C9orf85: variants seen among roughly 807,000 people sequenced by gnomAD.
C9orf85 encodes chromosome 9 open reading frame 85.
A neutral mutation model predicts 14.9 loss-of-function variants in C9orf85; 16 were observed. The observed-to-expected ratio is 1.08, with a 90% CI of 0.73 to 1.63. The LOEUF (loss-of-function observed/expected upper bound fraction) is 1.63. C9orf85 is among the 40% of genes most tolerant of loss of function. C9orf85 has a pLI of 0.00. For missense variants in C9orf85, 172 were observed against 186.1 expected (o/e 0.92, Z 0.44); for synonymous variants, 45 against 56.8 (o/e 0.79, Z 0.93).
chr9:71,956,794 G>A (rs1822391578), intron 2 of C9orf85, among the ~76,000 whole-genome samples: 1 of 152,102 alleles, frequency 6.6e-6, no homozygotes, highest in South Asian at 2.1e-4. Flanking sequence ...GGGATTCTCA[G>A]TCTATACTAG....
In C9orf85 at chr9:71,911,833, C is replaced by A. The variant is rs1440050297; in HGVS notation, c.99C>A (p.Thr33=). The A allele has an allele frequency of 1.2e-6, 2 of 1,613,638 alleles. No homozygotes were observed. The highest frequency in any genetic ancestry group is 1.7e-5 in the Admixed American group (1 of 60,020). ...KNDKFDKSVQ[T]KKINAKLHDG... is the part of the protein sequence containing the mutation. ...ACAAGTTCGATAAAAGTGTGCAGAC[C>A]AAGGTAGGAACCTGCCTGTTGCACC... Residue 33 remains threonine (T), a synonymous_variant, in exon 1 of 4, where the codon ACC becomes ACA. Coordinates refer to ENST00000334731, the MANE Select transcript of C9orf85 (RefSeq NM_182505.5).
At chr9:71,985,284 TTGTTCTAGTTAC>T (rs1463099083), downstream of C9orf85, 1 of 152,222 alleles carries the variant, frequency 6.6e-6, no homozygotes, top group Non-Finnish European at 1.5e-5. Flanking sequence ...TGTGAGGCCT[TTGTTCTAGTTAC>T]AACTTTGTCA....
At chr9:71,985,226 C>T (rs1823186904), downstream of C9orf85, 1 of 152,214 alleles carries the variant, frequency 6.6e-6, no homozygotes, top group Non-Finnish European at 1.5e-5. Flanking sequence ...AATGGCATAA[C>T]ATTCAGCAGT....
chr9:71,937,297 A>G (rs1032856850), intron 1 of C9orf85, among the ~76,000 whole-genome samples: 2 of 152,178 alleles, frequency 1.3e-5, no homozygotes, highest in Non-Finnish European at 2.9e-5. Context: ...TGTATGCATT[A>G]GGTTTGTCAG....
At chr9:71,955,542 G>T (rs1024694578) in intron 2 of C9orf85, among the ~76,000 whole-genome samples, 1 of 152,128 alleles carries the variant, frequency 6.6e-6, no homozygotes. Flanking sequence ...GTTACAGCTT[G>T]GCATTTGCCT....
intron 2 of C9orf85, among the ~76,000 whole-genome samples, chr9:71,966,769 C>T (rs1169234340): frequency 1.3e-5 from 2 of 152,180 alleles, no homozygotes; most frequent in Non-Finnish European, 2.9e-5. Context: ...TGGGCAAAGG[C>T]AGTCTTGTTA....
intron 1 of C9orf85, among the ~76,000 whole-genome samples, chr9:71,927,952 A>G (rs1827969306): frequency 6.6e-6 from 1 of 152,096 alleles, no homozygotes; most frequent in Admixed American, 6.6e-5. Flanking sequence ...TTGGGAGGCC[A>G]AGGCGGGTGG....
chr9:71,966,598 A>C (rs1822698483), intron 2 of C9orf85, among the ~76,000 whole-genome samples: 1 of 152,216 alleles, frequency 6.6e-6, no homozygotes, highest in South Asian at 2.1e-4. Flanking sequence ...TATTGTGTGC[A>C]TACGTGTGCA....
chr9:71,984,176 C>A (rs1366133619), downstream of C9orf85: 1 of 152,222 alleles, frequency 6.6e-6, no homozygotes, highest in African/African-American at 2.4e-5. Flanking sequence ...TTTCTTCCCC[C>A]TCAAGTTGCT....
At chr9:71,922,479 A>G (rs1038022687) in intron 1 of C9orf85, among the ~76,000 whole-genome samples, 3 of 152,124 alleles carry the variant, frequency 2.0e-5, no homozygotes, top group Non-Finnish European at 2.9e-5. Flanking sequence ...GTTTCCCTGT[A>G]ATCCTCTTAA....
At chr9:71,945,511 T>C (rs1471919996) in intron 1 of C9orf85, among the ~76,000 whole-genome samples, 1 of 152,214 alleles carries the variant, frequency 6.6e-6, no homozygotes, top group Non-Finnish European at 1.5e-5. Flanking sequence ...ATATTCACAC[T>C]TCCTGATGGT....
chr9:71,947,091 C>T lies in C9orf85; in HGVS notation c.188C>T (p.Pro63Leu), dbSNP rs1489246617. The change falls in exon 2 of 4, where the codon CCA becomes CTA. Residue 63 changes from proline to leucine, a missense_variant. Physicochemically the swap from Pro to Leu is moderately conservative, Grantham distance 98. Transcript: ENST00000334731. ...CGTGTAAAATACAGCAAATACAAAC[C>T]ATTATCAAAACCTAAAAAGTGGTGA... ...EWRVKYSKYK[P>L]LSKPKKCVKC... 4 of 1,611,868 alleles carry T rather than the reference C, an allele frequency of 2.5e-6. No individual in the cohort carries two copies. The highest frequency in any genetic ancestry group is 2.5e-6 in the Non-Finnish European group (3 of 1,178,462).
chr9:71,957,555 T>C (rs2132329709), intron 2 of C9orf85, among the ~76,000 whole-genome samples: 1 of 152,346 alleles, frequency 6.6e-6, no homozygotes, highest in African/African-American at 2.4e-5. Context: ...CCTGTTCCTC[T>C]CTTTAGATGA....
chr9:71,954,046 A>G (rs1416393973), intron 2 of C9orf85, among the ~76,000 whole-genome samples: 2 of 151,778 alleles, frequency 1.3e-5, no homozygotes, highest in African/African-American at 4.8e-5. Flanking sequence ...CTGGGCAGTC[A>G]AGGCAGCAGT....
chr9:71,919,719 G>C (rs868656747), intron 1 of C9orf85, among the ~76,000 whole-genome samples: 2 of 151,960 alleles, frequency 1.3e-5, no homozygotes, highest in African/African-American at 4.8e-5. Flanking sequence ...ATTGTAATCC[G>C]TACTATTGTT....
chr9:71,924,760 G>T (rs528645711), intron 1 of C9orf85, among the ~76,000 whole-genome samples: 1 of 152,170 alleles, frequency 6.6e-6, no homozygotes, highest in African/African-American at 2.4e-5. Flanking sequence ...TGACATCATG[G>T]TATATACTTA....
At chr9:71,947,217 T>A in intron 2 of C9orf85, 105 bp downstream of exon 2, 1 of 760,832 alleles carries the variant, frequency 1.3e-6, no homozygotes. Flanking sequence ...TTAAAGTAAA[T>A]GATGAAAAAA....
intron 2 of C9orf85, among the ~76,000 whole-genome samples, chr9:71,967,329 A>G (rs1318990615): frequency 6.6e-6 from 1 of 152,176 alleles, no homozygotes; most frequent in East Asian, 1.9e-4. Context: ...TCAGTTGGTC[A>G]TATATGTACG....
chr9:71,962,800 A>C (rs1822555230), intron 2 of C9orf85, among the ~76,000 whole-genome samples: 1 of 152,172 alleles, frequency 6.6e-6, no homozygotes, highest in Admixed American at 6.5e-5. Context: ...TCATGCTTGT[A>C]ATCCTAGCAC....
Sources: gnomAD v4.1 joint callset for allele counts (sites outside exome capture counted in the v4.1 genomes callset) on GRCh38, gnomAD v4.1.1 for gene constraint, MANE v1.5 for transcripts, NCBI Gene and HGNC (gene_info 2026-07-23, HGNC 2026-07-21) for gene names.